EPHA4: variants seen among roughly 807,000 people sequenced by gnomAD.
The protein encoded by EPHA4 is EPH receptor A4.
EPHA4 carries 19 observed loss-of-function variants against 108.3 expected under a neutral mutation model. The ratio of observed to expected loss-of-function variants is 0.18; its 90% CI spans 0.12 to 0.26. The LOEUF (loss-of-function observed/expected upper bound fraction) is 0.26, where lower values mean the gene tolerates loss of function less well. EPHA4 is among the 10% of genes least tolerant of loss of function. EPHA4 has a pLI of 1.00. For synonymous variants in EPHA4, 449 were observed against 455.5 expected (o/e 0.99, Z 0.18); for missense variants, 917 against 1,254.0 (o/e 0.73, Z 4.06).
In EPHA4 at chr2:221,512,422, G is replaced by A. The variant is rs190500995; in HGVS notation, c.824-11250C>T. 2.4e-4 allele frequency among the ~76,000 whole-genome samples: 36 copies of A among 152,234 alleles called. 1 individual carries two copies. The South Asian group carries it at 4.2e-3, about 18-fold the overall frequency. On this transcript the variant is annotated intron_variant, in intron 3 of 17. Coordinates refer to ENST00000281821, the MANE Select transcript of EPHA4 (RefSeq NM_004438.5). ...ATATAAACTATCAATCCTCACCACC[G>A]CTAGCACATCGCAGCCATGAAATGC...
Position 221,454,008 on chromosome 2 carries a change from C to T in EPHA4, c.1715+1539G>A, listed in dbSNP as rs553431301. ...CCTGGCCAACATGGTGAAACCGTGT[C>T]TCTACTAAAAATACAAAAATTAGCT... On this transcript the variant is annotated intron_variant, in intron 8 of 17. Coordinates refer to ENST00000281821, the MANE Select transcript of EPHA4 (RefSeq NM_004438.5). Among the ~76,000 whole-genome samples, 3 of 152,104 alleles carry T rather than the reference C, an allele frequency of 2.0e-5. No individual in the cohort carries two copies. In the South Asian group the frequency reaches 6.3e-4, roughly 32 times the overall value.
At chr2:221,534,623 A>G (rs1693612002) in intron 3 of EPHA4, among the ~76,000 whole-genome samples, 2 of 152,236 alleles carry the variant, frequency 1.3e-5, no homozygotes, top group Admixed American at 1.3e-4. Flanking sequence ...CCTGGAACCC[A>G]TGGTCAATTT....
chr2:221,471,834 G>T (rs1208276277), intron 5 of EPHA4, among the ~76,000 whole-genome samples: 3 of 152,080 alleles, frequency 2.0e-5, no homozygotes, highest in Non-Finnish European at 4.4e-5. Flanking sequence ...CTTTCAGAGG[G>T]GGTAAGGCTC....
chr2:221,420,795 CATT>C (rs1369492159), intron 17 of EPHA4, among the ~76,000 whole-genome samples: 1 of 152,070 alleles, frequency 6.6e-6, no homozygotes. Context: ...TTCTTATCTC[CATT>C]ATATGGATGA....
Position 221,426,020 on chromosome 2 carries a change from G to A in EPHA4, c.*8C>T, listed in dbSNP as rs1411137364. On this transcript the variant is annotated 3_prime_UTR_variant, in exon 17 of 18. Transcript: ENST00000281821. ...ATTTCAAGAGTTTTGAGTTTATTCA[G>A]TACTGGCTCAGACGGGAACCATTCT... 1 of 1,612,214 alleles carries A rather than the reference G, an allele frequency of 6.2e-7. No individual in the cohort carries two copies. Among genetic ancestry groups the A allele is most frequent in the African/African-American group, 1.3e-5 (1 of 74,956 alleles).
intron 4 of EPHA4, among the ~76,000 whole-genome samples, chr2:221,493,074 T>G (rs907306915): frequency 6.6e-6 from 1 of 152,166 alleles, no homozygotes; most frequent in Non-Finnish European, 1.5e-5. Flanking sequence ...TTACGACACT[T>G]TGGGAATCTT....
intron 3 of EPHA4, among the ~76,000 whole-genome samples, chr2:221,521,536 T>C (rs1693164737): frequency 6.6e-6 from 1 of 152,142 alleles, no homozygotes; most frequent in East Asian, 1.9e-4. Context: ...TCAGCACTAC[T>C]AGAGGCAGAG....
At chr2:221,517,132 A>G (rs528764271) in intron 3 of EPHA4, among the ~76,000 whole-genome samples, 13 of 152,264 alleles carry the variant, frequency 8.5e-5, no homozygotes, top group African/African-American at 1.4e-4. Flanking sequence ...TGTACAGGAG[A>G]ATAAACCTGG....
chr2:221,546,310 C>A (rs947871913), intron 3 of EPHA4, among the ~76,000 whole-genome samples: 2 of 152,156 alleles, frequency 1.3e-5, no homozygotes, highest in African/African-American at 4.8e-5. Context: ...TTCAAAGATA[C>A]ACAGATGCAA....
rs551207917 is a variant in EPHA4 at position 221,468,290 on chromosome 2, C to T, written c.1319-10300G>A. 1.2e-4 allele frequency among the ~76,000 whole-genome samples: 18 copies of T among 151,556 alleles called. No individual in the cohort carries two copies. The Middle Eastern group carries it at 0.01, about 88-fold the overall frequency. On this transcript the variant is annotated intron_variant, in intron 5 of 17. Transcript: ENST00000281821. ...AAACAAATAACCAACAAAAAAAATG[C>T]TCTCCAAAATTAATTTGGAATATGG...
chr2:221,422,612 C>T (rs777213721), intron 17 of EPHA4, among the ~76,000 whole-genome samples: 4 of 152,136 alleles, frequency 2.6e-5, no homozygotes, highest in African/African-American at 7.2e-5. Context: ...TGCCAGGATA[C>T]GAGTTGAGTG....
At chr2:221,531,948 A>G (rs1331938201) in intron 3 of EPHA4, among the ~76,000 whole-genome samples, 1 of 152,302 alleles carries the variant, frequency 6.6e-6, no homozygotes, top group Non-Finnish European at 1.5e-5. Flanking sequence ...GAATTTCCCA[A>G]GGAAAACGTG....
intron 9 of EPHA4, among the ~76,000 whole-genome samples, chr2:221,444,584 T>A (rs1018675497): frequency 2.0e-5 from 3 of 152,066 alleles, no homozygotes; most frequent in African/African-American, 4.8e-5. Context: ...AAAAAACATA[T>A]ATTCCATGTA....
At chr2:221,453,561 T>C (rs1690849497) in intron 8 of EPHA4, among the ~76,000 whole-genome samples, 1 of 152,190 alleles carries the variant, frequency 6.6e-6, no homozygotes, top group African/African-American at 2.4e-5. Flanking sequence ...TCAAAATCTA[T>C]GCAGGTCAAC....
At chr2:221,529,514 C>T (rs777245563) in intron 3 of EPHA4, among the ~76,000 whole-genome samples, 2 of 152,136 alleles carry the variant, frequency 1.3e-5, no homozygotes, top group Non-Finnish European at 2.9e-5. Flanking sequence ...TCTGTTGCAT[C>T]CAGGCAGAGA....
chr2:221,542,742 T>C (rs927723953), intron 3 of EPHA4, among the ~76,000 whole-genome samples: 3 of 152,220 alleles, frequency 2.0e-5, no homozygotes, highest in African/African-American at 7.2e-5. Context: ...GGCGATAATT[T>C]GCATCAGGAG....
Position 221,517,736 on chromosome 2 carries a change from G to A in EPHA4, c.824-16564C>T, listed in dbSNP as rs1420455458. ...GTATCCTTCCAAATGAGTCATGTCT[G>A]CATCTACTTAAGCAGACTGGGACAC... is the stretch of plus-strand genomic sequence containing the variant. On this transcript the variant is annotated intron_variant, in intron 3 of 17. Coordinates refer to ENST00000281821, the MANE Select transcript of EPHA4 (RefSeq NM_004438.5). 3.9e-5 allele frequency among the ~76,000 whole-genome samples: 6 copies of A among 152,134 alleles called. No homozygotes were observed. The South Asian group carries it at 6.2e-4, about 16-fold the overall frequency.
intron 5 of EPHA4, among the ~76,000 whole-genome samples, chr2:221,466,979 T>A (rs540647649): frequency 6.6e-6 from 1 of 152,296 alleles, no homozygotes; most frequent in African/African-American, 2.4e-5. Context: ...CTTTCTAAAG[T>A]CTGCTCTGTT....
chr2:221,541,117 C>CT (rs1693827282), intron 3 of EPHA4, among the ~76,000 whole-genome samples: 1 of 151,844 alleles, frequency 6.6e-6, no homozygotes, highest in African/African-American at 2.4e-5. Context: ...TCACTAATTA[C>CT]TTTTTTATTT....
Sources: allele counts gnomAD v4.1 joint callset (sites outside exome capture counted in the v4.1 genomes callset), GRCh38; gene constraint gnomAD v4.1.1; transcripts MANE v1.5; gene names NCBI Gene and HGNC (gene_info 2026-07-23, HGNC 2026-07-21).